Variants in UBE2E2 observed in about 807,000 individuals in gnomAD.
UBE2E2 encodes the protein ubiquitin conjugating enzyme E2 E2.
Under a neutral mutation model 24.7 loss-of-function variants are expected in UBE2E2, and 6 were observed. That is an observed-to-expected ratio of 0.24 (90% CI 0.13 to 0.48). The LOEUF is 0.48. Ranked by LOEUF, UBE2E2 falls within the 20% of genes least tolerant of loss-of-function variation. The pLI is 0.99. For missense variants in UBE2E2, 169 were observed against 245.0 expected (o/e 0.69, Z 2.07); for synonymous variants, 104 against 83.6 (o/e 1.24, Z -1.33).
At chr3:23,385,209 CCTT>C (rs1696779836) in intron 3 of UBE2E2, among the ~76,000 whole-genome samples, 2 of 152,186 alleles carry the variant, frequency 1.3e-5, no homozygotes, top group Non-Finnish European at 1.5e-5. Flanking sequence ...GTTATTTACA[CCTT>C]CTTTCCCTGT....
At chr3:23,550,471 T>G (rs1695616904) in intron 5 of UBE2E2, among the ~76,000 whole-genome samples, 1 of 152,162 alleles carries the variant, frequency 6.6e-6, no homozygotes, top group African/African-American at 2.4e-5. Flanking sequence ...GTCAGGATAT[T>G]ATATTAGATA....
chr3:23,485,659 G>A (rs994630192), intron 3 of UBE2E2, among the ~76,000 whole-genome samples: 7 of 152,158 alleles, frequency 4.6e-5, no homozygotes, highest in African/African-American at 9.7e-5. Flanking sequence ...TTGGCCTGGC[G>A]CTGCCTTCAG....
intron 3 of UBE2E2, among the ~76,000 whole-genome samples, chr3:23,335,852 A>T (rs1695192560): frequency 6.6e-6 from 1 of 152,100 alleles, no homozygotes; most frequent in African/African-American, 2.4e-5. Context: ...TAATTTTTTT[A>T]AATTGAAAAG....
intron 3 of UBE2E2, among the ~76,000 whole-genome samples, chr3:23,320,866 A>C (rs1364903796): frequency 1.3e-5 from 2 of 152,174 alleles, no homozygotes; most frequent in Admixed American, 6.5e-5. Context: ...AATTCCTAAC[A>C]GTATTAGTTT....
At chr3:23,251,427 T>C (rs909073033) in intron 3 of UBE2E2, among the ~76,000 whole-genome samples, 19 of 152,242 alleles carry the variant, frequency 1.2e-4, no homozygotes, top group African/African-American at 2.4e-5. Flanking sequence ...GGGCTATTAA[T>C]CATACATTTA....
At chr3:23,513,164 T>C (rs898158698) in intron 4 of UBE2E2, among the ~76,000 whole-genome samples, 1 of 152,186 alleles carries the variant, frequency 6.6e-6, no homozygotes, top group African/African-American at 2.4e-5. Flanking sequence ...TTCTTTTCTC[T>C]CTTCCAGACA....
intron 3 of UBE2E2, among the ~76,000 whole-genome samples, chr3:23,428,838 G>A (rs1261453240): frequency 2.7e-5 from 4 of 147,958 alleles, no homozygotes; most frequent in Non-Finnish European, 5.9e-5. Context: ...TACTCAGGAG[G>A]ATCACTTGAG....
At chr3:23,230,921 G>C (rs1197469142) in intron 3 of UBE2E2, among the ~76,000 whole-genome samples, 2 of 152,090 alleles carry the variant, frequency 1.3e-5, no homozygotes, top group Non-Finnish European at 2.9e-5. Flanking sequence ...TTGGGGAGTA[G>C]AACTAGCGCT....
chr3:23,449,542 A>G (rs191012978), intron 3 of UBE2E2, among the ~76,000 whole-genome samples: 452 of 152,338 alleles, frequency 3.0e-3, no homozygotes, highest in Non-Finnish European at 4.0e-3. Flanking sequence ...TCTGTTACTG[A>G]TAATTAAAAG....
chr3:23,417,803 A>G (rs1411585326), intron 3 of UBE2E2, among the ~76,000 whole-genome samples: 1 of 152,176 alleles, frequency 6.6e-6, no homozygotes, highest in Non-Finnish European at 1.5e-5. Context: ...GGCGCTTTGC[A>G]AGCTGTGGTG....
intron 3 of UBE2E2, among the ~76,000 whole-genome samples, chr3:23,440,678 T>C (rs1480194081): frequency 1.3e-5 from 2 of 152,226 alleles, no homozygotes; most frequent in African/African-American, 4.8e-5. Flanking sequence ...CCTAAATGTT[T>C]CAGTCTAGTT....
intron 3 of UBE2E2, among the ~76,000 whole-genome samples, chr3:23,251,265 G>A (rs1697567679): frequency 6.6e-6 from 1 of 152,126 alleles, no homozygotes; most frequent in Admixed American, 6.5e-5. Flanking sequence ...AGCATCGTTA[G>A]CTTCTCTCAG....
intron 3 of UBE2E2, among the ~76,000 whole-genome samples, chr3:23,448,233 C>T (rs981220186): frequency 1.3e-5 from 2 of 152,150 alleles, no homozygotes; most frequent in Non-Finnish European, 2.9e-5. Context: ...GCTCTTGCCA[C>T]GAAGCCTTCC....
At chr3:23,318,550 C>T (rs1216954435) in intron 3 of UBE2E2, among the ~76,000 whole-genome samples, 1 of 152,084 alleles carries the variant, frequency 6.6e-6, no homozygotes, top group African/African-American at 2.4e-5. Flanking sequence ...TTCCACGTGG[C>T]TGGGGAAGCC....
chr3:23,217,422 ATTG>A (rs1696507299), intron 3 of UBE2E2, 110 bp downstream of exon 3: 22 of 1,005,242 alleles, frequency 2.2e-5, no homozygotes, highest in Middle Eastern at 4.2e-4. Context: ...TAAAAACATC[ATTG>A]TTGTTTGAAC....
At chr3:23,380,756 G>C (rs1292464589) in intron 3 of UBE2E2, among the ~76,000 whole-genome samples, 1 of 152,146 alleles carries the variant, frequency 6.6e-6, no homozygotes, top group Non-Finnish European at 1.5e-5. Context: ...GCTCCCCCTT[G>C]ATTTAGAATT....
intron 3 of UBE2E2, among the ~76,000 whole-genome samples, chr3:23,339,281 A>G (rs1336780612): frequency 5.3e-5 from 8 of 152,216 alleles, no homozygotes; most frequent in African/African-American, 1.9e-4. Flanking sequence ...ACTGTGCCAG[A>G]TTAAAGGAAA....
chr3:23,553,317 A>G (rs1695694610), intron 5 of UBE2E2, among the ~76,000 whole-genome samples: 1 of 152,168 alleles, frequency 6.6e-6, no homozygotes, highest in South Asian at 2.1e-4. Flanking sequence ...ACCTCTAAAA[A>G]AAAAAATAAT....
At chr3:23,378,404 A>G (rs1006676749) in intron 3 of UBE2E2, among the ~76,000 whole-genome samples, 2 of 152,190 alleles carry the variant, frequency 1.3e-5, no homozygotes, top group Non-Finnish European at 2.9e-5. Flanking sequence ...ACTCTAAAGT[A>G]TACATGTGAA....
Sources: gnomAD v4.1 joint callset for allele counts (sites outside exome capture counted in the v4.1 genomes callset) on GRCh38, gnomAD v4.1.1 for gene constraint, MANE v1.5 for transcripts, NCBI Gene and HGNC (gene_info 2026-07-23, HGNC 2026-07-21) for gene names.